GSTCD: variants seen among roughly 807,000 people sequenced by gnomAD.
GSTCD encodes the protein glutathione S-transferase C-terminal domain containing, also known as glutathione S-transferase C-terminal domain-containing protein.
Under a neutral mutation model 68.3 loss-of-function variants are expected in GSTCD, and 44 were observed. That is an observed-to-expected ratio of 0.64 (90% confidence interval 0.51 to 0.83). GSTCD has a LOEUF of 0.83. Among genes scored for constraint, GSTCD ranks in the 40% least tolerant of loss-of-function variants. The pLI is 0.00. For missense variants in GSTCD, 739 were observed against 735.9 expected, an observed-to-expected ratio of 1.00 and a Z score of -0.05; for synonymous variants, 273 against 255.2, an observed-to-expected ratio of 1.07 and a Z score of -0.67.
chr4:105,710,899 C>G (rs1409086936), intron 1 of GSTCD: 1 of 152,168 alleles, frequency 6.6e-6, no homozygotes, highest in Non-Finnish European at 1.5e-5. Flanking sequence ...ACTTTTCCTA[C>G]TTCTTTACCA....
chr4:105,726,529 A>G, intron 3 of GSTCD, 50 bp from the exon 4 acceptor site: 1 of 1,239,244 alleles, frequency 8.1e-7, no homozygotes, highest in South Asian at 1.6e-5. Context: ...CAACACAGCT[A>G]TTATAAACAA....
intron 11 of GSTCD, among the ~76,000 whole-genome samples, chr4:105,842,794 A>G (rs1389067969): frequency 3.3e-5 from 5 of 152,184 alleles, no homozygotes; most frequent in African/African-American, 1.2e-4. Flanking sequence ...TATTATTTAC[A>G]TTTTAATGAT....
intron 5 of GSTCD, among the ~76,000 whole-genome samples, chr4:105,819,038 T>C (rs1723147721): frequency 6.6e-6 from 1 of 151,770 alleles, no homozygotes; most frequent in Non-Finnish European, 1.5e-5. Context: ...TGCTGTCTAT[T>C]CAGATTGAAC....
intron 8 of GSTCD, 95 bp downstream of exon 8, chr4:105,825,895 C>A: frequency 1.5e-6 from 1 of 684,146 alleles, no homozygotes; most frequent in Non-Finnish European, 2.4e-6. Flanking sequence ...GTGTTCTTTG[C>A]CAAACAAATT....
chr4:105,735,975 T>C (rs1468944377), intron 5 of GSTCD, among the ~76,000 whole-genome samples: 1 of 152,200 alleles, frequency 6.6e-6, no homozygotes, highest in Admixed American at 6.5e-5. Context: ...TAATGCCCAA[T>C]TTATAATCCA....
chr4:105,759,853 G>C (rs556612239), intron 5 of GSTCD, among the ~76,000 whole-genome samples: 1 of 152,162 alleles, frequency 6.6e-6, no homozygotes, highest in East Asian at 1.9e-4. Context: ...ATAATACAAT[G>C]ATACTCATTT....
rs190418700 is a variant in GSTCD, at chr4:105,818,829, G to A, written c.1241-4125G>A. Among the ~76,000 whole-genome samples, 38 of 151,796 alleles carry A rather than the reference G, an allele frequency of 2.5e-4. 1 individual carries two copies. In the East Asian group the frequency reaches 5.0e-3, roughly 20 times the overall value. ...ATCTAGAACACCAGGGTTCAAAATG[G>A]TTTAATGAGTTCAATTGATTCCATT... On this transcript the variant is annotated intron_variant, in intron 5 of 11. Transcript: ENST00000515279.
At chr4:105,733,491 C>G (rs1038787858) in intron 5 of GSTCD, among the ~76,000 whole-genome samples, 46 of 152,166 alleles carry the variant, frequency 3.0e-4, no homozygotes, top group Non-Finnish European at 1.5e-4. Flanking sequence ...TCTGTTTTAA[C>G]AGAGACTAGG....
intron 5 of GSTCD, among the ~76,000 whole-genome samples, chr4:105,755,155 A>G (rs1022664012): frequency 1.0e-4 from 15 of 150,136 alleles, no homozygotes; most frequent in Admixed American, 4.0e-4. Context: ...GGCTGAGCAG[A>G]AGGATTGCTT....
chr4:105,772,728 G>C (rs1734902689), intron 5 of GSTCD, among the ~76,000 whole-genome samples: 1 of 152,272 alleles, frequency 6.6e-6, no homozygotes, highest in Non-Finnish European at 1.5e-5. Flanking sequence ...TGGTGGATAA[G>C]CTTTTTGATG....
At chr4:105,743,169 C>G (rs572573312) in intron 5 of GSTCD, among the ~76,000 whole-genome samples, 11 of 152,138 alleles carry the variant, frequency 7.2e-5, no homozygotes, top group South Asian at 4.2e-4. Flanking sequence ...CCAGGATGGT[C>G]TCGATCTCCT....
chr4:105,767,559 G>A (rs906307318), intron 5 of GSTCD, among the ~76,000 whole-genome samples: 1 of 151,994 alleles, frequency 6.6e-6, no homozygotes, highest in Non-Finnish European at 1.5e-5. Flanking sequence ...ATTGACAAGT[G>A]GCACATTTTC....
At chr4:105,734,141 T>C (rs1225970063) in intron 5 of GSTCD, among the ~76,000 whole-genome samples, 2 of 152,212 alleles carry the variant, frequency 1.3e-5, no homozygotes, top group Non-Finnish European at 2.9e-5. Context: ...ATTTCAACTT[T>C]GGTGAATCTG....
intron 9 of GSTCD, 147 bp downstream of exon 9, chr4:105,834,741 A>T: frequency 9.1e-6 from 6 of 661,102 alleles, no homozygotes; most frequent in Non-Finnish European, 1.5e-5. Flanking sequence ...TGTATAAGGA[A>T]GAGAAGAACT....
At chr4:105,709,220 G>C (rs1480756547) in intron 1 of GSTCD, 3 of 152,306 alleles carry the variant, frequency 2.0e-5, no homozygotes, top group Non-Finnish European at 2.9e-5. Flanking sequence ...CGGGTTGAGG[G>C]CTCTGGGCTT....
chr4:105,829,966 TAAAAAA>T (rs746399405), intron 8 of GSTCD, among the ~76,000 whole-genome samples: 3 of 150,482 alleles, frequency 2.0e-5, no homozygotes, highest in Non-Finnish European at 4.4e-5. Context: ...AAATAGAACT[TAAAAAA>T]AAGAAAAAGA....
intron 1 of GSTCD, among the ~76,000 whole-genome samples, chr4:105,710,253 T>TTTTTG (rs1732485228): frequency 6.8e-6 from 1 of 146,942 alleles, no homozygotes; most frequent in African/African-American, 2.5e-5. Context: ...TTTTTTTTTT[T>TTTTTG]TTGAGCTGGA....
chr4:105,830,087 G>C, intron 8 of GSTCD, among the ~76,000 whole-genome samples: 1 of 152,032 alleles, frequency 6.6e-6, no homozygotes, highest in Non-Finnish European at 1.5e-5. Flanking sequence ...GTAAATCGTG[G>C]GGAGGAAAAC....
chr4:105,745,846 G>A (rs770237730), intron 5 of GSTCD, among the ~76,000 whole-genome samples: 3 of 152,188 alleles, frequency 2.0e-5, no homozygotes, highest in Non-Finnish European at 2.9e-5. Flanking sequence ...TGTTGTTCCA[G>A]TTATAATCTC....
Sources: allele counts gnomAD v4.1 joint callset (sites outside exome capture counted in the v4.1 genomes callset), GRCh38; gene constraint gnomAD v4.1.1; transcripts MANE v1.5; gene names NCBI Gene and HGNC (gene_info 2026-07-23, HGNC 2026-07-21).